Variants in SNTG1 observed in about 807,000 individuals in gnomAD.
SNTG1 encodes the protein syntrophin gamma 1, also known as gamma-1-syntrophin.
Under a neutral mutation model 74.7 loss-of-function variants are expected in SNTG1, and 39 were observed. The ratio of observed to expected loss-of-function variants is 0.52; its 90% confidence interval spans 0.40 to 0.68. The LOEUF is 0.68. SNTG1 is among the 30% of genes least tolerant of loss of function. SNTG1 has a pLI of 0.00. For synonymous variants in SNTG1, 254 were observed against 217.1 expected, an observed-to-expected ratio of 1.17 and a Z score of -1.49; for missense variants, 685 against 609.5, an observed-to-expected ratio of 1.12 and a Z score of -1.30.
At chr8:50,571,766 ACC>A (rs1420138798) in intron 12 of SNTG1, among the ~76,000 whole-genome samples, 14 of 152,106 alleles carry the variant, frequency 9.2e-5, no homozygotes, top group African/African-American at 2.9e-4. Context: ...ATTCGCTCTC[ACC>A]TCCTACCAGG....
intron 17 of SNTG1, among the ~76,000 whole-genome samples, chr8:50,749,513 G>A (rs749900862): frequency 1.5e-4 from 23 of 151,936 alleles, no homozygotes; most frequent in Non-Finnish European, 8.8e-5. Flanking sequence ...ATTGGAAGAA[G>A]ATGCCATCTG....
chr8:49,941,420 T>A (rs1438658637), intron 1 of SNTG1, among the ~76,000 whole-genome samples: 1 of 150,002 alleles, frequency 6.7e-6, no homozygotes, highest in Non-Finnish European at 1.5e-5. Context: ...ACTTTTCCTC[T>A]GAAATTCATT....
At chr8:50,637,179 T>C (rs1014910588) in intron 13 of SNTG1, among the ~76,000 whole-genome samples, 1 of 152,172 alleles carries the variant, frequency 6.6e-6, no homozygotes, top group Non-Finnish European at 1.5e-5. Flanking sequence ...GTATTTGTCA[T>C]TTTAATTTAC....
intron 14 of SNTG1, among the ~76,000 whole-genome samples, chr8:50,657,871 C>T (rs2095193376): frequency 6.6e-6 from 1 of 152,006 alleles, no homozygotes; most frequent in Non-Finnish European, 1.5e-5. Context: ...TACCTTGCAG[C>T]TCAGAAGACA....
intron 1 of SNTG1, among the ~76,000 whole-genome samples, chr8:50,154,486 T>C (rs1300472015): frequency 6.6e-6 from 1 of 152,050 alleles, no homozygotes; most frequent in African/African-American, 2.4e-5. Context: ...GGTACCTCAG[T>C]TGGAAGTGCA....
At chr8:50,087,519 T>C (rs1221254921) in intron 1 of SNTG1, among the ~76,000 whole-genome samples, 1 of 152,182 alleles carries the variant, frequency 6.6e-6, no homozygotes, top group African/African-American at 2.4e-5. Flanking sequence ...CCTACATTTC[T>C]CTTTTGTTTC....
At chr8:50,785,966 A>G (rs1175138099) in intron 18 of SNTG1, among the ~76,000 whole-genome samples, 1 of 152,044 alleles carries the variant, frequency 6.6e-6, no homozygotes, top group African/African-American at 2.4e-5. Flanking sequence ...CCATTTCATA[A>G]TAAGTATACT....
At chr8:50,346,870 G>A (rs1239072094) in intron 2 of SNTG1, among the ~76,000 whole-genome samples, 5 of 152,228 alleles carry the variant, frequency 3.3e-5, no homozygotes, top group East Asian at 1.9e-4. Context: ...GCTGAAGGCC[G>A]AGAGAGGTAT....
Position 50,100,231 on chromosome 8 carries a change from A to C in SNTG1, c.-102-72330A>C, listed in dbSNP as rs1457727210. On this transcript the variant is annotated intron_variant, in intron 1 of 18. Coordinates refer to ENST00000642720, the MANE Select transcript of SNTG1 (RefSeq NM_018967.5). ...AAAAAAGTTGATTTCATAGAAGTAG[A>C]GTAAAATAGAGTAGAATAGTGGTTA... Among the ~76,000 whole-genome samples, 4 of 152,204 alleles carry C rather than the reference A, an allele frequency of 2.6e-5. No individual in the cohort carries two copies. In the East Asian group the frequency reaches 7.7e-4, roughly 29 times the overall value.
chr8:50,577,259 A>G (rs2094581967), intron 12 of SNTG1, among the ~76,000 whole-genome samples: 1 of 152,072 alleles, frequency 6.6e-6, no homozygotes, highest in African/African-American at 2.4e-5. Flanking sequence ...CATTTTGTTA[A>G]TGTGGTGAAC....
chr8:50,482,154 G>T (rs2093746227), intron 8 of SNTG1, among the ~76,000 whole-genome samples: 1 of 152,206 alleles, frequency 6.6e-6, no homozygotes, highest in African/African-American at 2.4e-5. Context: ...CTGTGGACTA[G>T]CTCTGTCTGG....
chr8:50,301,821 C>T (rs1313726101), intron 2 of SNTG1, among the ~76,000 whole-genome samples: 1 of 151,050 alleles, frequency 6.6e-6, no homozygotes, highest in Non-Finnish European at 1.5e-5. Flanking sequence ...GAAGTTTCTG[C>T]TCTGTTTTGT....
intron 1 of SNTG1, among the ~76,000 whole-genome samples, chr8:49,988,205 G>A (rs1014422408): frequency 6.6e-6 from 1 of 152,020 alleles, no homozygotes; most frequent in Admixed American, 6.6e-5. Context: ...ATAAAAATGG[G>A]CGTGCAGAGT....
intron 2 of SNTG1, among the ~76,000 whole-genome samples, chr8:50,240,965 G>T (rs546013908): frequency 2.0e-5 from 3 of 152,064 alleles, no homozygotes; most frequent in Admixed American, 1.3e-4. Context: ...ATAGAAGAAA[G>T]GTAGCCTTAA....
chr8:50,135,967 A>C (rs1260195604), intron 1 of SNTG1, among the ~76,000 whole-genome samples: 1 of 152,012 alleles, frequency 6.6e-6, no homozygotes, highest in East Asian at 1.9e-4. Context: ...TGTGTACTCA[A>C]TGTTTAGCTC....
At chr8:50,206,658 G>T (rs557924134) in intron 2 of SNTG1, among the ~76,000 whole-genome samples, 1 of 152,078 alleles carries the variant, frequency 6.6e-6, no homozygotes, top group African/African-American at 2.4e-5. Flanking sequence ...TTTCAAAGGG[G>T]ATGCTTCCAG....
rs899970445 is a variant in SNTG1 at position 50,216,381 on chromosome 8, T to C, written c.-28+43746T>C. On this transcript the variant is annotated intron_variant, in intron 2 of 18. Coordinates refer to ENST00000642720, the MANE Select transcript of SNTG1 (RefSeq NM_018967.5). ...TAGAACTATCTTTTCAGTAAGATAA[T>C]ACATTGCTGAAGGAAAGAAGTGTCC... 2.3e-4 allele frequency among the ~76,000 whole-genome samples: 35 copies of C among 152,214 alleles called. 1 individual carries two copies. The highest frequency in any genetic ancestry group is 8.4e-4 in the African/African-American group (35 of 41,460).
intron 1 of SNTG1, among the ~76,000 whole-genome samples, chr8:49,948,585 T>C (rs139393904): frequency 2.2e-4 from 34 of 152,374 alleles, no homozygotes; most frequent in Admixed American, 6.5e-4. Flanking sequence ...TAGTTTAGTT[T>C]GAAAATTATG....
At chr8:50,131,437 C>A (rs1339187101) in intron 1 of SNTG1, among the ~76,000 whole-genome samples, 2 of 151,904 alleles carry the variant, frequency 1.3e-5, no homozygotes, top group African/African-American at 4.8e-5. Flanking sequence ...TTTTCTGTGT[C>A]TGGTTTATTT....
Sources: gnomAD v4.1 joint callset for allele counts (sites outside exome capture counted in the v4.1 genomes callset) on GRCh38, gnomAD v4.1.1 for gene constraint, MANE v1.5 for transcripts, NCBI Gene and HGNC (gene_info 2026-07-23, HGNC 2026-07-21) for gene names.